PTBP3: variants seen among roughly 807,000 people sequenced by gnomAD.
PTBP3 encodes the protein polypyrimidine tract-binding protein 3.
Under a neutral mutation model 58.7 loss-of-function variants are expected in PTBP3, and 20 were observed. The ratio of observed to expected loss-of-function variants is 0.34; its 90% CI spans 0.24 to 0.50. The LOEUF (loss-of-function observed/expected upper bound fraction) is 0.50, where lower values mean the gene tolerates loss of function less well. Among genes scored for constraint, PTBP3 ranks in the 20% least tolerant of loss-of-function variants. The pLI is 0.98. For synonymous variants in PTBP3, 185 were observed against 219.8 expected, an observed-to-expected ratio of 0.84 and a Z score of 1.40; for missense variants, 509 against 637.2, an observed-to-expected ratio of 0.80 and a Z score of 2.17.
At chr9:112,246,481 T>C (rs1449078939) in intron 7 of PTBP3, among the ~76,000 whole-genome samples, 1 of 151,000 alleles carries the variant, frequency 6.6e-6, no homozygotes, top group African/African-American at 2.4e-5. Flanking sequence ...GATCACGAGG[T>C]CAGGAGATTG....
chr9:112,278,515 A>G (rs907247513), intron 2 of PTBP3, among the ~76,000 whole-genome samples: 1 of 152,188 alleles, frequency 6.6e-6, no homozygotes, highest in Non-Finnish European at 1.5e-5. Flanking sequence ...ACACTAAGAA[A>G]GCTGTTTCTT....
At chr9:112,244,074 G>C (rs997568533) in intron 7 of PTBP3, among the ~76,000 whole-genome samples, 1 of 151,790 alleles carries the variant, frequency 6.6e-6, no homozygotes, top group Non-Finnish European at 1.5e-5. Flanking sequence ...GGCCGAGACA[G>C]GTGGATCACG....
intron 3 of PTBP3, among the ~76,000 whole-genome samples, chr9:112,273,858 A>C (rs1029595303): frequency 2.0e-5 from 3 of 152,364 alleles, no homozygotes; most frequent in African/African-American, 7.2e-5. Context: ...TTTACTAAAA[A>C]GATATTTTCT....
chr9:112,253,251 C>T (rs1836206632), intron 5 of PTBP3, among the ~76,000 whole-genome samples: 1 of 152,118 alleles, frequency 6.6e-6, no homozygotes, highest in Admixed American at 6.6e-5. Flanking sequence ...AGTCTATGCC[C>T]ACATGCAGAC....
chr9:112,344,108 G>A, the PTBP3 span, among the ~76,000 whole-genome samples: 3 of 151,754 alleles, frequency 2.0e-5, no homozygotes, highest in South Asian at 2.1e-4. Context: ...AATTTTAAAA[G>A]GTAAAATTTA....
At chr9:112,378,854 G>C in the PTBP3 span, among the ~76,000 whole-genome samples, 1 of 152,164 alleles carries the variant, frequency 6.6e-6, no homozygotes, top group Non-Finnish European at 1.5e-5. Flanking sequence ...TCGGGCAGGT[G>C]ATATGCAGGA....
the PTBP3 span, among the ~76,000 whole-genome samples, chr9:112,367,373 T>C: frequency 6.6e-6 from 1 of 152,220 alleles, no homozygotes. Flanking sequence ...GAACTCCCTT[T>C]AGCATTTCTT....
chr9:112,248,475 A>C (rs1835973230), intron 7 of PTBP3, among the ~76,000 whole-genome samples: 1 of 152,188 alleles, frequency 6.6e-6, no homozygotes, highest in Non-Finnish European at 1.5e-5. Context: ...AGAAATCACC[A>C]CTAAAGAACT....
At chr9:112,239,653 C>T (rs1247241244) in intron 7 of PTBP3, among the ~76,000 whole-genome samples, 3 of 151,692 alleles carry the variant, frequency 2.0e-5, no homozygotes, top group Non-Finnish European at 4.4e-5. Flanking sequence ...ATTGCTTGAG[C>T]CCAGGAGTTC....
intron 7 of PTBP3, among the ~76,000 whole-genome samples, chr9:112,241,283 T>C (rs1251246071): frequency 6.6e-6 from 1 of 152,116 alleles, no homozygotes; most frequent in Non-Finnish European, 1.5e-5. Context: ...TTTGTATTTT[T>C]AGTACAGATG....
chr9:112,370,561 AGTATGAGTCCTCCAATTGT>A, the PTBP3 span, among the ~76,000 whole-genome samples: 1 of 152,112 alleles, frequency 6.6e-6, no homozygotes, highest in African/African-American at 2.4e-5. Flanking sequence ...AAAATCTGGA[AGTATGAGTCCTCCAATTGT>A]GTTGTTCTTT....
At chr9:112,233,263 A>G (rs1156626463) in intron 8 of PTBP3, among the ~76,000 whole-genome samples, 1 of 145,814 alleles carries the variant, frequency 6.9e-6, no homozygotes, top group Non-Finnish European at 1.5e-5. Flanking sequence ...CAGTTGAGCT[A>G]CACTGTAGGG....
chr9:112,289,009 G>A (rs775071513), intron 2 of PTBP3, among the ~76,000 whole-genome samples: 11 of 152,162 alleles, frequency 7.2e-5, no homozygotes, highest in Non-Finnish European at 1.6e-4. Context: ...TGTTTTCTAC[G>A]TAAACCCACC....
chr9:112,320,079 CGAGA>C (rs1264504791), intron 1 of PTBP3, among the ~76,000 whole-genome samples: 1 of 151,596 alleles, frequency 6.6e-6, no homozygotes, highest in Non-Finnish European at 1.5e-5. Flanking sequence ...GAAATAAGTT[CGAGA>C]GATCAATTGT....
chr9:112,332,825 G>C (rs758072039), intron 1 of PTBP3: 3 of 1,612,308 alleles, frequency 1.9e-6, no homozygotes, highest in Middle Eastern at 1.6e-4. Context: ...AGAGAGAAAG[G>C]TGAGGGGGAA....
intron 9 of PTBP3, 127 bp downstream of exon 9, chr9:112,231,971 GA>G (rs1835235907): frequency 4.9e-5 from 16 of 324,762 alleles, no homozygotes; most frequent in Admixed American, 2.1e-4. Flanking sequence ...AGAGAAGAGA[GA>G]AGAGAAGAGA....
At position 112,333,486 on chromosome 9, in the gene PTBP3, T is replaced by G. The variant is rs1830473157; in HGVS notation, c.-68A>C. 1.3e-6 allele frequency: 2 copies of G among 1,592,016 alleles called. No individual in the cohort carries two copies. The highest frequency in any genetic ancestry group is 2.8e-5 in the African/African-American group (2 of 72,296). The stretch of plus-strand genomic sequence containing the variant: ...AGTACTTACCCATCCATGGCCCAGA[T>G]GGAGGCGCGCACAGAGCAGGGACTG... On this transcript the variant is annotated 5_prime_UTR_variant, in exon 1 of 14. Transcript: ENST00000374257.
intron 10 of PTBP3, 64 bp from the exon 11 acceptor site, chr9:112,228,536 C>T (rs1835079167): frequency 1.7e-6 from 2 of 1,163,720 alleles, no homozygotes; most frequent in South Asian, 1.6e-5. Context: ...ATTAATTTTA[C>T]TAATATACTT....
chr9:112,245,850 T>C (rs1835855205), intron 7 of PTBP3, among the ~76,000 whole-genome samples: 1 of 152,076 alleles, frequency 6.6e-6, no homozygotes, highest in Admixed American at 6.5e-5. Context: ...AGTAGGAAAT[T>C]ATACCCTGTA....
Sources: allele counts gnomAD v4.1 joint callset (sites outside exome capture counted in the v4.1 genomes callset), GRCh38; gene constraint gnomAD v4.1.1; transcripts MANE v1.5; gene names NCBI Gene and HGNC (gene_info 2026-07-23, HGNC 2026-07-21).